VAV3: variants seen among roughly 807,000 people sequenced by gnomAD.
The protein encoded by VAV3 is vav guanine nucleotide exchange factor 3, also known as guanine nucleotide exchange factor VAV3.
VAV3 carries 94 observed loss-of-function variants against 131.2 expected under a neutral mutation model. That is an observed-to-expected ratio of 0.72 (90% CI 0.61 to 0.85). The LOEUF (loss-of-function observed/expected upper bound fraction) is 0.85. Among genes scored for constraint, VAV3 ranks in the 40% least tolerant of loss-of-function variants. The pLI is 0.00. For missense variants in VAV3, 939 were observed against 1,002.7 expected, an observed-to-expected ratio of 0.94 and a Z score of 0.86; for synonymous variants, 349 against 342.0, an observed-to-expected ratio of 1.02 and a Z score of -0.22.
chr1:107,912,904 A>G (rs1175313692), intron 1 of VAV3, among the ~76,000 whole-genome samples: 1 of 152,236 alleles, frequency 6.6e-6, no homozygotes, highest in Non-Finnish European at 1.5e-5. Flanking sequence ...CACTTTCCAC[A>G]GCATCAAAAC....
chr1:107,687,347 C>T (rs769673348), intron 18 of VAV3, among the ~76,000 whole-genome samples: 21 of 151,926 alleles, frequency 1.4e-4, no homozygotes, highest in Non-Finnish European at 2.2e-4. Context: ...TTTTGCTGTA[C>T]TTTTTCTTAT....
chr1:107,714,040 T>C (rs762002167), intron 15 of VAV3, among the ~76,000 whole-genome samples: 2 of 152,120 alleles, frequency 1.3e-5, no homozygotes, highest in Non-Finnish European at 2.9e-5. Flanking sequence ...AAAGCTATTA[T>C]CTTAATAGAT....
chr1:107,749,051 A>G lies in VAV3; in HGVS notation c.1419T>C (p.His473=), dbSNP rs1340247478. Residue 473 remains histidine (H), a synonymous_variant, in exon 15 of 27, where the codon CAT becomes CAC. Transcript: ENST00000370056. ...ATTCTAACCCATTTTGTCCTTGGGT[A>G]TGGATGAGGTAGAAGCCATAAGACC... ...KKWSYGFYLI[H]TQGQNGLEFY... The G allele has an allele frequency of 1.9e-6, 3 of 1,611,014 alleles. No individual in the cohort carries two copies. Among genetic ancestry groups the G allele is most frequent in the African/African-American group, 2.7e-5 (2 of 74,800 alleles).
intron 2 of VAV3, among the ~76,000 whole-genome samples, chr1:107,803,343 T>C (rs905777063): frequency 6.6e-6 from 1 of 152,038 alleles, no homozygotes; most frequent in African/African-American, 2.4e-5. Context: ...TGAGGTGCAT[T>C]AGTTCATTTG....
intron 2 of VAV3, among the ~76,000 whole-genome samples, chr1:107,794,738 A>T (rs1355553243): frequency 6.6e-6 from 1 of 152,120 alleles, no homozygotes; most frequent in Non-Finnish European, 1.5e-5. Context: ...AACAAGGAGC[A>T]TTTTTCAGTC....
rs533827723 is a variant in VAV3, at chr1:107,642,467, T to C, written c.1914+152A>G. 8 of 857,252 alleles carry C rather than the reference T, an allele frequency of 9.3e-6. No individual in the cohort carries two copies. The South Asian group carries it at 1.3e-4, about 13-fold the overall frequency. The allele number at this position is 857,252 out of a possible 1,614,324, so 53.1% of individuals were successfully genotyped here. A position where few individuals can be genotyped will look rare whatever the true frequency, so the allele number is the denominator to read the frequency against. ...ACCAGCAACCCTCGGGGCTGCTCTG[T>C]CTATGGAGTAGCCATTCTTTTATTC... On this transcript the variant is annotated intron_variant, in intron 20 of 26. Transcript: ENST00000370056.
At chr1:107,893,444 T>TA in intron 1 of VAV3, among the ~76,000 whole-genome samples, 1 of 152,286 alleles carries the variant, frequency 6.6e-6, no homozygotes, top group Middle Eastern at 3.4e-3. Context: ...GATAAAGAAA[T>TA]ACCTGAGACT....
At chr1:107,870,933 T>C (rs1340401524) in intron 2 of VAV3, among the ~76,000 whole-genome samples, 1 of 152,166 alleles carries the variant, frequency 6.6e-6, no homozygotes, top group East Asian at 1.9e-4. Flanking sequence ...ATCTGGACAG[T>C]GGCAGCCTGA....
At position 107,782,438 on chromosome 1, in the gene VAV3, T is replaced by C. The variant is rs921637840; in HGVS notation, c.322-2946A>G. 2.0e-5 allele frequency among the ~76,000 whole-genome samples: 3 copies of C among 152,222 alleles called. 1 individual carries two copies. The highest frequency in any genetic ancestry group is 4.4e-5 in the Non-Finnish European group (3 of 68,042). ...TCTATTAGTTTAGTCCTGAATTGAA[T>C]GTGTTTTATAAGGACAAACATTTCT... On this transcript the variant is annotated intron_variant, in intron 2 of 26. Transcript: ENST00000370056.
chr1:107,721,006 G>A (rs568460089), intron 15 of VAV3, among the ~76,000 whole-genome samples: 2 of 152,302 alleles, frequency 1.3e-5, no homozygotes, highest in African/African-American at 2.4e-5. Context: ...TAGAGTAGGA[G>A]AGAAGAGATC....
chr1:107,742,344 G>A (rs138777695), intron 15 of VAV3, among the ~76,000 whole-genome samples: 17 of 152,202 alleles, frequency 1.1e-4, no homozygotes, highest in Non-Finnish European at 2.4e-4. Flanking sequence ...GTGAACAACA[G>A]GGACAAGATC....
At chr1:107,576,548 T>C in intron 25 of VAV3, 1 of 1,207,596 alleles carries the variant, frequency 8.3e-7, no homozygotes, top group Non-Finnish European at 1.1e-6. Flanking sequence ...AACACAACCA[T>C]TTTCACCCAC....
chr1:107,626,174 G>A (rs1263729172), intron 20 of VAV3, among the ~76,000 whole-genome samples: 2 of 152,230 alleles, frequency 1.3e-5, no homozygotes, highest in African/African-American at 4.8e-5. Context: ...TAACAATTAG[G>A]ACCTCACCCA....
chr1:107,849,568 A>G (rs1669127119), intron 2 of VAV3, among the ~76,000 whole-genome samples: 1 of 152,112 alleles, frequency 6.6e-6, no homozygotes, highest in South Asian at 2.1e-4. Flanking sequence ...TACCTTATAC[A>G]AAAATTAAGA....
intron 15 of VAV3, among the ~76,000 whole-genome samples, chr1:107,724,170 C>T (rs1389269603): frequency 6.6e-6 from 1 of 151,916 alleles, no homozygotes; most frequent in African/African-American, 2.4e-5. Flanking sequence ...AGTAAAGAAA[C>T]CCATTTATTC....
intron 1 of VAV3, among the ~76,000 whole-genome samples, chr1:107,883,584 T>G (rs1162378723): frequency 1.3e-5 from 2 of 152,070 alleles, no homozygotes; most frequent in African/African-American, 4.8e-5. Context: ...TAAGAACATT[T>G]TTAGAAGTTA....
intron 2 of VAV3, among the ~76,000 whole-genome samples, chr1:107,817,458 T>TA (rs1667607587): frequency 6.6e-6 from 1 of 152,026 alleles, no homozygotes. Context: ...AGTCAGATTA[T>TA]AAAAAATCTT....
rs1439583090 is a variant in VAV3, at chr1:107,596,299, A to G, written c.2263T>C (p.Phe755Leu). 1.2e-6 allele frequency: 2 copies of G among 1,613,488 alleles called. No homozygotes were observed. Among genetic ancestry groups the G allele is most frequent in the Admixed American group, 3.3e-5 (2 of 59,986 alleles). Reference sequence around the variant, plus strand: ...TGCAGAGTTGTATCTAAGGTTCTGAACCCTTCCTTGAGAGAATGATGCTTG... The same window carrying G: ...TGCAGAGTTGTATCTAAGGTTCTGAGCCCTTCCTTGAGAGAATGATGCTTG... Reference protein sequence around the residue: ...YYKHHSLKEGFRTLDTTLQFP... With the variant: ...YYKHHSLKEGLRTLDTTLQFP... Residue 755 changes from phenylalanine to leucine, a missense_variant, in exon 25 of 27, where the codon TTC becomes CTC. Transcript: ENST00000370056.
chr1:107,871,313 C>T (rs542786693), intron 2 of VAV3, among the ~76,000 whole-genome samples: 65 of 151,454 alleles, frequency 4.3e-4, no homozygotes, highest in South Asian at 1.3e-3. Context: ...AAACATAAAC[C>T]CTCAACGTCC....
Sources: allele counts gnomAD v4.1 joint callset (sites outside exome capture counted in the v4.1 genomes callset), GRCh38; gene constraint gnomAD v4.1.1; transcripts MANE v1.5; gene names NCBI Gene and HGNC (gene_info 2026-07-23, HGNC 2026-07-21).